Variants in NEK11 observed in about 807,000 individuals in gnomAD.
The protein encoded by NEK11 is serine/threonine-protein kinase Nek11.
In NEK11, 72 loss-of-function variants were observed where a neutral mutation model predicts 80.7. The observed-to-expected ratio is 0.89, with a 90% CI of 0.74 to 1.08. The LOEUF is 1.08. Ranked by LOEUF, NEK11 falls within the 50% of genes least tolerant of loss-of-function variation. The pLI, the probability that NEK11 is intolerant of heterozygous loss-of-function variation, is 0.00. For missense variants in NEK11, 764 were observed against 763.6 expected (o/e 1.00, Z -0.01); for synonymous variants, 251 against 260.7 (o/e 0.96, Z 0.36).
rs2095261078 is a variant in NEK11 at position 131,228,574 on chromosome 3, AT to A, written c.1449del (p.Phe483LeufsTer15). 3 of 1,613,622 alleles carry A rather than the reference AT, an allele frequency of 1.9e-6. No individual in the cohort carries two copies. The highest frequency in any genetic ancestry group is 1.7e-5 in the Admixed American group (1 of 59,994). The part of the protein sequence containing the change: ...LVAEEYYADA[F>X]DSYCEESDEE... ...TGGCTGAAGAGTACTACGCTGATGC[AT>A]TTGATTCCTATTGTGAAGAGAGTGA... On this transcript the variant is annotated frameshift_variant, in exon 15 of 18. Coordinates refer to ENST00000383366, the MANE Select transcript of NEK11 (RefSeq NM_024800.5). LOFTEE classifies it high-confidence loss of function.
At chr3:131,053,340 A>C (rs1210221727) in intron 3 of NEK11, 1 of 152,240 alleles carries the variant, frequency 6.6e-6, no homozygotes, top group Non-Finnish European at 1.5e-5. Flanking sequence ...CGGCTAAATT[A>C]ATAAAAGGCT....
intron 16 of NEK11, among the ~76,000 whole-genome samples, chr3:131,250,324 T>C (rs1388021324): frequency 6.6e-6 from 1 of 152,014 alleles, no homozygotes; most frequent in African/African-American, 2.4e-5. Flanking sequence ...AGACCACTTA[T>C]AAAGTATCAG....
Position 131,133,959 on chromosome 3 carries a change from G to A in NEK11, c.647+3G>A, listed in dbSNP as rs778440340. 3.1e-6 allele frequency: 5 copies of A among 1,607,336 alleles called. No individual in the cohort carries two copies. The highest frequency in any genetic ancestry group is 1.7e-6 in the Non-Finnish European group (2 of 1,176,656). ...TATGACACAAAGTCGGACATCTGGT[G>A]AGTGGGCTAGTGGGCTAGACTCTTC... On this transcript the variant is annotated splice_donor_region_variant and intron_variant, in intron 7 of 17. Transcript: ENST00000383366.
intron 14 of NEK11, among the ~76,000 whole-genome samples, chr3:131,181,178 A>C (rs2093322204): frequency 6.6e-6 from 1 of 152,190 alleles, no homozygotes; most frequent in African/African-American, 2.4e-5. Flanking sequence ...GGATGCTCTC[A>C]GTGCCACAAG....
Position 131,077,686 on chromosome 3 carries a change from G to A in NEK11, c.171-2737G>A, listed in dbSNP as rs545607373. Among the ~76,000 whole-genome samples, 10 of 152,276 alleles carry A rather than the reference G, an allele frequency of 6.6e-5. No homozygotes were observed. In the South Asian group the frequency reaches 2.1e-3, roughly 32 times the overall value. On this transcript the variant is annotated intron_variant, in intron 3 of 17. Transcript: ENST00000383366. Reference sequence around the variant, plus strand: ...CTTAACCACTGTGACTTTTATAACTGCATGCTAGCTGGGGTACAGTAAATT... The same window carrying A: ...CTTAACCACTGTGACTTTTATAACTACATGCTAGCTGGGGTACAGTAAATT...
intron 3 of NEK11, among the ~76,000 whole-genome samples, chr3:131,057,739 G>A (rs1380203181): frequency 1.5e-4 from 23 of 150,898 alleles, no homozygotes; most frequent in Non-Finnish European, 1.0e-4. Context: ...GGGGTTGTTT[G>A]TTTTTTTCTT....
At chr3:131,060,118 G>A (rs1029849757) in intron 3 of NEK11, among the ~76,000 whole-genome samples, 8 of 152,154 alleles carry the variant, frequency 5.3e-5, no homozygotes, top group Non-Finnish European at 1.0e-4. Context: ...AGAATATTAT[G>A]GATATTGTCA....
At chr3:131,219,198 G>A (rs1580392230) in intron 14 of NEK11, among the ~76,000 whole-genome samples, 2 of 152,144 alleles carry the variant, frequency 1.3e-5, no homozygotes, top group African/African-American at 4.8e-5. Context: ...ATATAACATG[G>A]AATACTATGC....
chr3:131,284,561 G>A (rs1455199051), intron 17 of NEK11, among the ~76,000 whole-genome samples: 1 of 152,198 alleles, frequency 6.6e-6, no homozygotes, highest in African/African-American at 2.4e-5. Flanking sequence ...AGTCAAGGGT[G>A]TGTCTGTGAG....
At chr3:131,121,763 G>A (rs1201452514) in intron 5 of NEK11, among the ~76,000 whole-genome samples, 3 of 152,186 alleles carry the variant, frequency 2.0e-5, no homozygotes, top group Non-Finnish European at 4.4e-5. Flanking sequence ...GAGAGGCTCC[G>A]TGGGTGTGGG....
chr3:131,214,521 C>A (rs1223261218), intron 14 of NEK11, among the ~76,000 whole-genome samples: 2 of 152,156 alleles, frequency 1.3e-5, no homozygotes, highest in Non-Finnish European at 2.9e-5. Flanking sequence ...GTTACCTTGT[C>A]ATTTTCGCTT....
intron 14 of NEK11, chr3:131,175,094 A>G: frequency 9.1e-7 from 1 of 1,103,584 alleles, no homozygotes; most frequent in Non-Finnish European, 1.1e-6. Flanking sequence ...TCTTCTTTTT[A>G]AATGTCCAAG....
In NEK11 at chr3:131,174,949, CA is replaced by C. The variant is rs1487854312; in HGVS notation, c.1399+4063del. ...AGCTGTCACCTCTTCATTTCCTGTT[CA>C]GCCACTCTTTAAGCAATCACTGAGC... On this transcript the variant is annotated intron_variant, in intron 14 of 17. Transcript: ENST00000383366. 3 of 1,410,100 alleles carry C rather than the reference CA, an allele frequency of 2.1e-6. No individual in the cohort carries two copies. In the South Asian group the frequency reaches 4.8e-5, roughly 23 times the overall value. The allele number at this position is 1,410,100 out of a possible 1,614,324, so 87.3% of individuals were successfully genotyped here.
At chr3:131,348,469 G>A (rs1246067564) in intron 17 of NEK11, among the ~76,000 whole-genome samples, 1 of 151,930 alleles carries the variant, frequency 6.6e-6, no homozygotes, top group Non-Finnish European at 1.5e-5. Flanking sequence ...GGGGAGGTAG[G>A]TCAAAGACGG....
intron 17 of NEK11, among the ~76,000 whole-genome samples, chr3:131,281,117 A>T (rs972663637): frequency 6.6e-6 from 1 of 151,382 alleles, no homozygotes; most frequent in African/African-American, 2.4e-5. Flanking sequence ...ACACAGGTTT[A>T]TTGATTTCTT....
intron 14 of NEK11, among the ~76,000 whole-genome samples, chr3:131,179,125 C>T (rs1039076993): frequency 6.6e-6 from 1 of 152,194 alleles, no homozygotes; most frequent in Admixed American, 6.6e-5. Context: ...GTTCTTCTAC[C>T]TTCCACCATG....
At chr3:131,049,823 T>C (rs1429857629) in intron 3 of NEK11, among the ~76,000 whole-genome samples, 1 of 152,210 alleles carries the variant, frequency 6.6e-6, no homozygotes, top group Non-Finnish European at 1.5e-5. Context: ...TTTTTTTGTT[T>C]TTTAAACTAT....
At position 131,082,229 on chromosome 3, in the gene NEK11, A is replaced by G. The variant is rs370837504; in HGVS notation, c.336+1641A>G. ...CAAATATGTCACCAATTCGTGCAAA[A>G]CTACAGATACTTGCATATGCATATG... is the stretch of plus-strand genomic sequence containing the variant. On this transcript the variant is annotated intron_variant, in intron 4 of 17. Coordinates refer to ENST00000383366, the MANE Select transcript of NEK11 (RefSeq NM_024800.5). 2.6e-5 allele frequency among the ~76,000 whole-genome samples: 4 copies of G among 152,336 alleles called. No individual in the cohort carries two copies. The South Asian group carries it at 8.3e-4, about 32-fold the overall frequency.
chr3:131,185,549 T>A (rs2093564772), intron 14 of NEK11, among the ~76,000 whole-genome samples: 1 of 152,102 alleles, frequency 6.6e-6, no homozygotes, highest in Admixed American at 6.6e-5. Context: ...ACTCAAATGC[T>A]CAACTGATCC....
Sources: gnomAD v4.1 joint callset for allele counts (sites outside exome capture counted in the v4.1 genomes callset) on GRCh38, gnomAD v4.1.1 for gene constraint, MANE v1.5 for transcripts, NCBI Gene and HGNC (gene_info 2026-07-23, HGNC 2026-07-21) for gene names.